DAB1: variants seen among roughly 807,000 people sequenced by gnomAD.
DAB1 encodes the protein DAB adaptor protein 1.
A neutral mutation model predicts 64.6 loss-of-function variants in DAB1; 15 were observed. That is an observed-to-expected ratio of 0.23 (90% CI 0.16 to 0.36). The LOEUF is 0.36. DAB1 is among the 10% of genes least tolerant of loss of function. The pLI is 1.00. For synonymous variants in DAB1, 235 were observed against 251.9 expected (o/e 0.93, Z 0.64); for missense variants, 596 against 706.7 (o/e 0.84, Z 1.78).
intron 6 of DAB1, among the ~76,000 whole-genome samples, chr1:57,800,016 T>C (rs1651051029): frequency 6.6e-6 from 1 of 152,212 alleles, no homozygotes; most frequent in South Asian, 2.1e-4. Flanking sequence ...ATTAGGATGC[T>C]AATGCTAATA....
chr1:57,840,036 G>A (rs992319269), intron 1 of DAB1, among the ~76,000 whole-genome samples: 2 of 152,136 alleles, frequency 1.3e-5, no homozygotes, highest in African/African-American at 4.8e-5. Flanking sequence ...TTTATTGTTG[G>A]CCTTTGAGTC....
chr1:58,046,792 C>T (rs781677601), intron 5 of DAB1, among the ~76,000 whole-genome samples: 1 of 152,128 alleles, frequency 6.6e-6, no homozygotes, highest in African/African-American at 2.4e-5. Context: ...AGAGCTCCTG[C>T]CATGTGCCAG....
intron 5 of DAB1, among the ~76,000 whole-genome samples, chr1:58,058,162 GT>G (rs751266483): frequency 2.6e-5 from 4 of 152,048 alleles, no homozygotes; most frequent in Non-Finnish European, 4.4e-5. Flanking sequence ...TGCCTAGTAT[GT>G]GTTAATGCTG....
chr1:57,034,550 G>A (rs911249794), intron 9 of DAB1, among the ~76,000 whole-genome samples: 1 of 152,196 alleles, frequency 6.6e-6, no homozygotes, highest in East Asian at 1.9e-4. Flanking sequence ...ATGCACATTC[G>A]AGAAGTAGCT....
chr1:57,759,921 A>G (rs1648992780), intron 6 of DAB1, among the ~76,000 whole-genome samples: 1 of 152,188 alleles, frequency 6.6e-6, no homozygotes, highest in Non-Finnish European at 1.5e-5. Flanking sequence ...ACTGCATACA[A>G]GAGCAACGCA....
At chr1:58,476,947 G>C (rs1348747012) in intron 3 of DAB1, among the ~76,000 whole-genome samples, 1 of 152,208 alleles carries the variant, frequency 6.6e-6, no homozygotes, top group Non-Finnish European at 1.5e-5. Context: ...TGAGAGTTGA[G>C]TACTGCTGGA....
intron 1 of DAB1, among the ~76,000 whole-genome samples, chr1:58,534,743 T>C (rs943527653): frequency 6.6e-6 from 1 of 152,194 alleles, no homozygotes; most frequent in Non-Finnish European, 1.5e-5. Flanking sequence ...AAGACCAGCC[T>C]GGGCAACATG....
chr1:57,889,894 TGG>T (rs1259975929), intron 5 of DAB1, among the ~76,000 whole-genome samples: 7 of 8,018 alleles, frequency 8.7e-4, no homozygotes, highest in Non-Finnish European at 1.7e-3. Flanking sequence ...TAGCACAAAC[TGG>T]GGCGGGGGGG....
intron 6 of DAB1, among the ~76,000 whole-genome samples, chr1:57,797,183 C>T (rs1184857320): frequency 1.3e-5 from 2 of 152,208 alleles, no homozygotes; most frequent in Non-Finnish European, 2.9e-5. Context: ...TGCTCTTTTT[C>T]CTCTTTCCAA....
At chr1:57,638,398 T>A (rs1330000476) in intron 7 of DAB1, among the ~76,000 whole-genome samples, 1 of 152,208 alleles carries the variant, frequency 6.6e-6, no homozygotes, top group East Asian at 1.9e-4. Flanking sequence ...GAGTGTCAGA[T>A]GATAAGGCTG....
intron 5 of DAB1, among the ~76,000 whole-genome samples, chr1:57,948,164 T>C (rs1188872188): frequency 6.6e-6 from 1 of 152,202 alleles, no homozygotes; most frequent in Non-Finnish European, 1.5e-5. Flanking sequence ...ACTTCTTCAG[T>C]AGTAGACTGA....
At chr1:57,755,794 T>C (rs1481411048) in intron 6 of DAB1, among the ~76,000 whole-genome samples, 3 of 152,206 alleles carry the variant, frequency 2.0e-5, no homozygotes, top group Admixed American at 2.0e-4. Flanking sequence ...TCCATCATCA[T>C]GCTGCCACGT....
In DAB1 at chr1:58,187,382, T is replaced by C. The variant is rs114770384; in HGVS notation, n.310-36794A>G. On this transcript the variant is annotated intron_variant and non_coding_transcript_variant, in intron 4 of 20. Coordinates refer to the DAB1 transcript ENST00000485760. ...GTCCCAGTTACTCAGGAAGTTGAAG[T>C]GGGAGGATTACTTGAGCCTCGGAGT... 6.2e-3 allele frequency among the ~76,000 whole-genome samples: 935 copies of C among 150,814 alleles called. 6 individuals carry two copies. The highest frequency in any genetic ancestry group is 0.022 in the African/African-American group (906 of 41,170).
chr1:58,295,257 G>C (rs1661942410), intron 4 of DAB1, among the ~76,000 whole-genome samples: 1 of 152,120 alleles, frequency 6.6e-6, no homozygotes, highest in South Asian at 2.1e-4. Context: ...GAAGAAATTT[G>C]CTGAATTAAT....
intron 1 of DAB1, among the ~76,000 whole-genome samples, chr1:57,373,482 A>G (rs1570395755): frequency 6.6e-6 from 1 of 152,052 alleles, no homozygotes; most frequent in Non-Finnish European, 1.5e-5. Context: ...TGCCCCCTCA[A>G]AGGCACCATT....
upstream of DAB1, among the ~76,000 whole-genome samples, chr1:57,885,569 T>C (rs1299074353): frequency 6.6e-6 from 1 of 152,222 alleles, no homozygotes; most frequent in African/African-American, 2.4e-5. Context: ...TGGGGAAATG[T>C]TGGGCTATAG....
intron 5 of DAB1, among the ~76,000 whole-genome samples, chr1:58,036,013 A>C (rs1215440539): frequency 6.6e-6 from 1 of 152,234 alleles, no homozygotes; most frequent in Non-Finnish European, 1.5e-5. Flanking sequence ...GGTTGTCTCC[A>C]AACCCCACTT....
intron 4 of DAB1, among the ~76,000 whole-genome samples, chr1:57,091,140 T>G (rs1192603519): frequency 4.6e-5 from 7 of 152,094 alleles, no homozygotes; most frequent in African/African-American, 1.7e-4. Flanking sequence ...CCATGCTGGG[T>G]GTCTGCTGTG....
chr1:57,551,109 A>C (rs1644909202), intron 7 of DAB1, among the ~76,000 whole-genome samples: 1 of 152,138 alleles, frequency 6.6e-6, no homozygotes, highest in South Asian at 2.1e-4. Flanking sequence ...CACTCTTTCC[A>C]TCTGCACTAA....
Sources: allele counts gnomAD v4.1 joint callset (sites outside exome capture counted in the v4.1 genomes callset), GRCh38; gene constraint gnomAD v4.1.1; transcripts MANE v1.5; gene names NCBI Gene and HGNC (gene_info 2026-07-23, HGNC 2026-07-21).